Variants in HS3ST5 observed in about 807,000 individuals in gnomAD.
The protein encoded by HS3ST5 is heparan sulfate-glucosamine 3-sulfotransferase 5, also known as heparan sulfate glucosamine 3-O-sulfotransferase 5.
In HS3ST5, 10 loss-of-function variants were observed where a neutral mutation model predicts 25.4. The observed-to-expected ratio is 0.39, with a 90% CI of 0.24 to 0.67. The LOEUF (loss-of-function observed/expected upper bound fraction) is 0.67, where lower values mean the gene tolerates loss of function less well. HS3ST5 is among the 30% of genes least tolerant of loss of function. HS3ST5 has a pLI of 0.44. For missense variants in HS3ST5, 324 were observed against 420.7 expected, an observed-to-expected ratio of 0.77 and a Z score of 2.01; for synonymous variants, 170 against 162.4, an observed-to-expected ratio of 1.05 and a Z score of -0.36.
chr6:114,322,145 G>A (rs1481234675), intron 1 of HS3ST5, among the ~76,000 whole-genome samples: 1 of 152,066 alleles, frequency 6.6e-6, no homozygotes, highest in Non-Finnish European at 1.5e-5. Flanking sequence ...CTGTCACAAA[G>A]TCAGAGAAGA....
At chr6:114,112,820 C>A (rs752363608) in intron 3 of HS3ST5, among the ~76,000 whole-genome samples, 2 of 152,138 alleles carry the variant, frequency 1.3e-5, no homozygotes, top group Non-Finnish European at 2.9e-5. Context: ...ACCGAAAAAA[C>A]AATGATAAAT....
At chr6:114,247,814 T>C (rs1437860253) in intron 1 of HS3ST5, among the ~76,000 whole-genome samples, 1 of 151,462 alleles carries the variant, frequency 6.6e-6, no homozygotes, top group Non-Finnish European at 1.5e-5. Context: ...ATGAATAATA[T>C]TGAGTAGGGT....
At chr6:114,107,708 A>G (rs927691513) in intron 3 of HS3ST5, among the ~76,000 whole-genome samples, 1 of 152,224 alleles carries the variant, frequency 6.6e-6, no homozygotes, top group Non-Finnish European at 1.5e-5. Context: ...ATTTCTATAT[A>G]CTAGCAGTGA....
intron 2 of HS3ST5, among the ~76,000 whole-genome samples, chr6:114,176,265 T>C (rs1779719294): frequency 6.7e-6 from 1 of 148,734 alleles, no homozygotes; most frequent in African/African-American, 2.5e-5. Context: ...TTTCTGGCAA[T>C]GTGCTTTTTC....
At chr6:114,224,699 TACACAC>T (rs71272382) in intron 2 of HS3ST5, among the ~76,000 whole-genome samples, 1 of 144,334 alleles carries the variant, frequency 6.9e-6, no homozygotes, top group African/African-American at 2.6e-5. Context: ...TATATATATA[TACACAC>T]ACACACACAC....
chr6:114,157,191 C>T (rs1208050809), intron 3 of HS3ST5, among the ~76,000 whole-genome samples: 2 of 152,240 alleles, frequency 1.3e-5, no homozygotes, highest in Admixed American at 1.3e-4. Flanking sequence ...ATACTTTCTA[C>T]TTTCTACCCA....
intron 3 of HS3ST5, among the ~76,000 whole-genome samples, chr6:114,064,785 A>C (rs1773350782): frequency 6.6e-6 from 1 of 152,200 alleles, no homozygotes; most frequent in Non-Finnish European, 1.5e-5. Context: ...GGATCTAGTG[A>C]GAAAGAGTAA....
chr6:114,213,666 C>T (rs1208459444), intron 2 of HS3ST5, among the ~76,000 whole-genome samples: 3 of 152,088 alleles, frequency 2.0e-5, no homozygotes, highest in Admixed American at 2.0e-4. Flanking sequence ...GGTACAATCC[C>T]AGTTTTATCA....
chr6:114,328,142 A>G (rs1776244518), intron 1 of HS3ST5, among the ~76,000 whole-genome samples: 1 of 152,134 alleles, frequency 6.6e-6, no homozygotes, highest in South Asian at 2.1e-4. Flanking sequence ...TTGATCACAT[A>G]TACTTTTTAT....
At chr6:114,207,543 C>A (rs1382578159) in intron 2 of HS3ST5, among the ~76,000 whole-genome samples, 1 of 152,070 alleles carries the variant, frequency 6.6e-6, no homozygotes, top group East Asian at 1.9e-4. Flanking sequence ...AAGGCTCATC[C>A]CTACTGTTTC....
intron 2 of HS3ST5, among the ~76,000 whole-genome samples, chr6:114,213,816 A>G (rs994472623): frequency 2.6e-5 from 4 of 152,148 alleles, no homozygotes; most frequent in African/African-American, 7.2e-5. Flanking sequence ...TCCATCTTTG[A>G]TCCCCACTCA....
At chr6:114,162,431 G>C (rs1208983838) in intron 3 of HS3ST5, among the ~76,000 whole-genome samples, 2 of 152,110 alleles carry the variant, frequency 1.3e-5, no homozygotes, top group Admixed American at 6.6e-5. Context: ...CTTCTGCCCA[G>C]AACCTCATCA....
intron 1 of HS3ST5, among the ~76,000 whole-genome samples, chr6:114,249,041 G>C (rs1219403475): frequency 6.6e-6 from 1 of 152,142 alleles, no homozygotes; most frequent in Non-Finnish European, 1.5e-5. Flanking sequence ...GGTTGTTTCT[G>C]CTGATAACAA....
intron 1 of HS3ST5, among the ~76,000 whole-genome samples, chr6:114,266,681 A>G (rs9400708): frequency 0.046 from 6,940 of 152,294 alleles, 180 homozygotes; most frequent in Middle Eastern, 0.075. Context: ...ATAGACATAT[A>G]TATCACCAAG....
At chr6:114,313,920 C>A (rs1332249461) in intron 1 of HS3ST5, among the ~76,000 whole-genome samples, 2 of 99,044 alleles carry the variant, frequency 2.0e-5, no homozygotes, top group African/African-American at 7.3e-5. Context: ...GGATCTAACC[C>A]CCATTTTGTT....
chr6:114,203,059 T>C (rs561007733), intron 2 of HS3ST5, among the ~76,000 whole-genome samples: 8 of 152,312 alleles, frequency 5.3e-5, no homozygotes, highest in African/African-American at 1.4e-4. Flanking sequence ...AAGTGGGAAA[T>C]TGACAATTAA....
chr6:114,121,462 A>G (rs1406124688), intron 3 of HS3ST5, among the ~76,000 whole-genome samples: 1 of 152,220 alleles, frequency 6.6e-6, no homozygotes, highest in Non-Finnish European at 1.5e-5. Context: ...AAAAATTTAA[A>G]TTTCTTAATA....
intron 1 of HS3ST5, among the ~76,000 whole-genome samples, chr6:114,338,849 G>A (rs1288524742): frequency 6.6e-6 from 1 of 152,006 alleles, no homozygotes; most frequent in Non-Finnish European, 1.5e-5. Context: ...TGAATTCACA[G>A]AAAGCCTAAA....
intron 3 of HS3ST5, among the ~76,000 whole-genome samples, chr6:114,064,958 G>C (rs971456586): frequency 1.3e-5 from 2 of 152,270 alleles, no homozygotes; most frequent in South Asian, 4.1e-4. Flanking sequence ...GGCAGGTGTG[G>C]TTGGACAAAG....
Sources: gnomAD v4.1 joint callset for allele counts (sites outside exome capture counted in the v4.1 genomes callset) on GRCh38, gnomAD v4.1.1 for gene constraint, MANE v1.5 for transcripts, NCBI Gene and HGNC (gene_info 2026-07-23, HGNC 2026-07-21) for gene names.